SPNS3: variants seen among roughly 807,000 people sequenced by gnomAD.
The protein encoded by SPNS3 is protein spinster homolog 3.
Under a neutral mutation model 54.4 loss-of-function variants are expected in SPNS3, and 51 were observed. The ratio of observed to expected loss-of-function variants is 0.94; its 90% CI spans 0.75 to 1.18. SPNS3 has a LOEUF of 1.18. Ranked by LOEUF, SPNS3 falls within the 50% of genes most tolerant of loss-of-function variation. The probability of loss-of-function intolerance (pLI) is 0.00; values close to 1 mark genes in which losing one functional copy is unlikely to be tolerated. For synonymous variants in SPNS3, 309 were observed against 294.7 expected (o/e 1.05, Z -0.50); for missense variants, 669 against 677.4 (o/e 0.99, Z 0.14).
Position 4,486,904 on chromosome 17 carries a change from T to C in SPNS3, c.1450+321T>C, listed in dbSNP as rs780697733. ...GGAAGGAGAAAGGGGCCGGGCGCGG[T>C]GGCTCACACCTGTAATCCCAGTACT... On this transcript the variant is annotated intron_variant, in intron 11 of 11. Transcript: ENST00000355530. This position sits in a 1 kb window ranked among gnomAD's most constrained non-coding sequence, Gnocchi z 5.5. Among the ~76,000 whole-genome samples the C allele has an allele frequency of 1.3e-5, 2 of 152,002 alleles. No homozygotes were observed. Among genetic ancestry groups the C allele is most frequent in the Non-Finnish European group, 2.9e-5 (2 of 67,978 alleles).
intron 8 of SPNS3, among the ~76,000 whole-genome samples, chr17:4,458,649 C>CTTTT (rs1971412122): frequency 8.1e-6 from 1 of 123,148 alleles, no homozygotes. Flanking sequence ...TTCTTTCTTT[C>CTTTT]CTTCCTTCTT....
chr17:4,471,252 T>C (rs1971847116), intron 8 of SPNS3, among the ~76,000 whole-genome samples: 1 of 151,964 alleles, frequency 6.6e-6, no homozygotes, highest in Non-Finnish European at 1.5e-5. Context: ...ATCATCCTTG[T>C]AGTGGCTTGA....
At chr17:4,441,981 GAAGT>G (rs1473287284) in intron 2 of SPNS3, among the ~76,000 whole-genome samples, 1 of 89,090 alleles carries the variant, frequency 1.1e-5, no homozygotes, top group South Asian at 3.6e-4. Flanking sequence ...CACGGAGGGA[GAAGT>G]GTGTGTGTGT....
chr17:4,448,617 T>A (rs1040946736), intron 6 of SPNS3, among the ~76,000 whole-genome samples: 1 of 152,218 alleles, frequency 6.6e-6, no homozygotes, highest in African/African-American at 2.4e-5. Flanking sequence ...ATTCAATGGA[T>A]GGAATTCTCC....
intron 9 of SPNS3, chr17:4,482,696 T>C (rs1972199320): frequency 6.6e-6 from 1 of 152,140 alleles, no homozygotes; most frequent in Non-Finnish European, 1.5e-5. Context: ...GAGACTGAGA[T>C]CGTGTCCCCT....
In SPNS3 at chr17:4,478,604, C is replaced by G. The variant is rs1972074960; in HGVS notation, c.1146C>G (p.Ser382=). The change falls in exon 9 of 12, where the codon TCC becomes TCG. Residue 382 remains serine (S), a synonymous_variant. Transcript: ENST00000355530. The part of the protein sequence containing the change: ...VFLGLGELLL[S]CNWAVVADIL... ...TGGGCCTTGGGGAGCTGCTTCTGTC[C>G]TGCAACTGGGCAGTGGTTGCCGACA... 1.3e-6 allele frequency: 2 copies of G among 1,588,880 alleles called. No individual in the cohort carries two copies. Among genetic ancestry groups the G allele is most frequent in the Non-Finnish European group, 1.7e-6 (2 of 1,167,648 alleles).
In SPNS3 at chr17:4,486,322, G is replaced by T. The variant is rs200287163; in HGVS notation, c.1274G>T (p.Gly425Val). 8.1e-6 allele frequency: 13 copies of T among 1,599,574 alleles called. No homozygotes were observed. The African/African-American group carries it at 1.8e-4, about 22-fold the overall frequency. Residue 425 changes from glycine (G) to valine (V), a missense_variant, in exon 10 of 12, where the codon GGA (glycine) becomes GTA (valine). Gly to Val is a moderately radical substitution (Grantham distance 109, BLOSUM62 -3). Transcript: ENST00000355530. This position sits in a 1 kb window ranked among gnomAD's most constrained non-coding sequence, Gnocchi z 5.5. ...LGDAGSPYLT[G>V]LISSVLRARR... ...GACGCTGGCAGCCCCTATCTCACAG[G>T]ACTTGTAAGACGTGTCTGCGTGTGT...
At chr17:4,482,923 G>C (rs1319063607) in intron 9 of SPNS3, among the ~76,000 whole-genome samples, 1 of 152,202 alleles carries the variant, frequency 6.6e-6, no homozygotes, top group Non-Finnish European at 1.5e-5. Context: ...TGGGGGGCTA[G>C]AGCAGAAGGG....
At chr17:4,485,142 G>A (rs1972276909) in intron 9 of SPNS3, 1 of 152,176 alleles carries the variant, frequency 6.6e-6, no homozygotes. Flanking sequence ...CCAGGCAGAA[G>A]GCGCAGCTGA....
intron 8 of SPNS3, among the ~76,000 whole-genome samples, chr17:4,456,562 A>G (rs987477215): frequency 5.3e-5 from 8 of 151,720 alleles, no homozygotes; most frequent in Admixed American, 2.6e-4. Flanking sequence ...GTCTCTCTCT[A>G]TTGCCCAGGC....
chr17:4,440,491 G>T (rs1970822279), intron 2 of SPNS3, among the ~76,000 whole-genome samples: 1 of 152,180 alleles, frequency 6.6e-6, no homozygotes, highest in Non-Finnish European at 1.5e-5. Context: ...CTTTCCAGGG[G>T]TTACATGAAC....
At chr17:4,453,617 T>TG (rs879835315) in intron 8 of SPNS3, among the ~76,000 whole-genome samples, 2 of 120,458 alleles carry the variant, frequency 1.7e-5, no homozygotes, top group Admixed American at 1.5e-4. Context: ...GACTCCATCT[T>TG]GGGGGAAAAA....
At chr17:4,455,189 C>T (rs1407446871) in intron 8 of SPNS3, among the ~76,000 whole-genome samples, 1 of 152,222 alleles carries the variant, frequency 6.6e-6, no homozygotes, top group Non-Finnish European at 1.5e-5. Context: ...GCTGGGATTA[C>T]AGGTGTGAGC....
chr17:4,445,836 CT>C (rs1323442577), intron 3 of SPNS3, among the ~76,000 whole-genome samples: 2 of 151,980 alleles, frequency 1.3e-5, no homozygotes, highest in African/African-American at 4.8e-5. Context: ...AGGAAAAGGG[CT>C]CCCCTGGGCA....
At chr17:4,449,972 C>T (rs1445887138) in intron 7 of SPNS3, among the ~76,000 whole-genome samples, 1 of 152,152 alleles carries the variant, frequency 6.6e-6, no homozygotes, top group East Asian at 1.9e-4. Context: ...TCTCCAAGAG[C>T]TCCAGTGACC....
intron 1 of SPNS3, among the ~76,000 whole-genome samples, chr17:4,435,076 A>T (rs1270878118): frequency 2.0e-5 from 3 of 152,128 alleles, no homozygotes; most frequent in Non-Finnish European, 4.4e-5. Context: ...TGTTGGGATT[A>T]TAGGCATGAG....
At chr17:4,435,448 A>AAT (rs1053022690) in intron 1 of SPNS3, among the ~76,000 whole-genome samples, 9 of 147,256 alleles carry the variant, frequency 6.1e-5, no homozygotes, top group African/African-American at 2.0e-4. Flanking sequence ...CTCAAAAAAA[A>AAT]AAAAATAAAA....
chr17:4,439,153 G>A (rs12940175), intron 1 of SPNS3, among the ~76,000 whole-genome samples: 41,336 of 151,314 alleles, frequency 0.27, 7,184 homozygotes, highest in South Asian at 0.39. Flanking sequence ...GATGGAGCGT[G>A]GCTCTTGTTG....
In SPNS3 at chr17:4,486,464, G is replaced by C. The variant is rs61734113; in HGVS notation, c.1331G>C (p.Arg444Pro). 2.9e-3 allele frequency: 4,723 copies of C among 1,612,942 alleles called. 13 individuals are homozygous for C. Among genetic ancestry groups the C allele is most frequent in the Non-Finnish European group, 3.8e-3 (4,471 of 1,179,596 alleles). ...RRPDSYLQRF[R>P]SLQQSFLCCA... is the part of the protein sequence containing the mutation. ...CCTGACTCCTATCTGCAGCGCTTCCGCAGCCTGCAGCAGAGCTTCCTGTGC... is the reference window on the plus strand; with the variant it reads ...CCTGACTCCTATCTGCAGCGCTTCCCCAGCCTGCAGCAGAGCTTCCTGTGC... Residue 444 changes from arginine (R) to proline (P), a missense_variant, in exon 11 of 12, where the codon CGC becomes CCC. Coordinates refer to ENST00000355530, the MANE Select transcript of SPNS3 (RefSeq NM_182538.5). This position sits in a 1 kb window ranked among gnomAD's most constrained non-coding sequence, Gnocchi z 5.5.
Sources: gnomAD v4.1 joint callset for allele counts (sites outside exome capture counted in the v4.1 genomes callset) on GRCh38, gnomAD v4.1.1 for gene constraint, Gnocchi (gnomAD v3.1) non-coding constraint, MANE v1.5 for transcripts, NCBI Gene and HGNC (gene_info 2026-07-23, HGNC 2026-07-21) for gene names.